The following CSPP1 variants were observed in gnomAD, a reference collection of about 807,000 sequenced individuals.
CSPP1 encodes the protein centrosome and spindle pole-associated protein 1.
A neutral mutation model predicts 164.4 loss-of-function variants in CSPP1; 126 were observed. The observed-to-expected ratio is 0.77, with a 90% CI of 0.66 to 0.89. CSPP1 has a LOEUF of 0.89. CSPP1 is among the 40% of genes least tolerant of loss of function. CSPP1 has a pLI of 0.00. For synonymous variants in CSPP1, 472 were observed against 476.7 expected (o/e 0.99, Z 0.13); for missense variants, 1,395 against 1,449.8 (o/e 0.96, Z 0.61).
chr8:67,083,548 A>AAAAAAAAAAAAAT (rs1332248754), intron 3 of CSPP1: 10 of 91,502 alleles, frequency 1.1e-4, no homozygotes, highest in African/African-American at 4.5e-4. Context: ...AAAAAAAAAA[A>AAAAAAAAAAAAAT]ATATATATAT....
intron 15 of CSPP1, among the ~76,000 whole-genome samples, chr8:67,119,408 A>T (rs1818557242): frequency 6.6e-6 from 1 of 152,126 alleles, no homozygotes; most frequent in Non-Finnish European, 1.5e-5. Flanking sequence ...CTGTACCCAG[A>T]GCTGGAATTG....
chr8:67,093,226 A>T (rs1000657383), intron 5 of CSPP1, among the ~76,000 whole-genome samples: 1 of 152,100 alleles, frequency 6.6e-6, no homozygotes, highest in Non-Finnish European at 1.5e-5. Flanking sequence ...TAACTATTGG[A>T]GTGTAAAATG....
Position 67,105,925 on chromosome 8 carries a change from C to G in CSPP1, c.1043C>G (p.Ser348Cys). 1 of 1,586,494 alleles carries G rather than the reference C, an allele frequency of 6.3e-7. No homozygotes were observed. Among genetic ancestry groups the G allele is most frequent in the Non-Finnish European group, 8.7e-7 (1 of 1,155,062 alleles). Residue 348 changes from serine to cysteine, a missense_variant, in exon 9 of 31, where the codon TCC (serine) becomes TGC (cysteine). Transcript: ENST00000678616. ...ENKSAPDNETSKSANQDTCSP... is the reference protein window; with the variant it reads ...ENKSAPDNETCKSANQDTCSP... ...TTTAGTGCTCCAGACAATGAAACAT[C>G]CAAATCTGCTAATCAAGATACCTGT...
At chr8:67,173,053 A>C (rs1830778108) in intron 25 of CSPP1, 1 of 152,372 alleles carries the variant, frequency 6.6e-6, no homozygotes, top group Non-Finnish European at 1.5e-5. Flanking sequence ...ATTGCCGATT[A>C]ACTTTGGAAT....
intron 7 of CSPP1, among the ~76,000 whole-genome samples, chr8:67,096,085 T>A (rs1235156457): frequency 6.6e-6 from 1 of 152,214 alleles, no homozygotes; most frequent in Admixed American, 6.5e-5. Flanking sequence ...CAACCTTCCT[T>A]GAGAATTTGA....
intron 9 of CSPP1, among the ~76,000 whole-genome samples, chr8:67,108,770 T>C (rs118005449): frequency 4.6e-5 from 7 of 152,312 alleles, no homozygotes; most frequent in Admixed American, 2.0e-4. Flanking sequence ...AACTCTTCTT[T>C]GTGTCTGAGG....
At chr8:67,121,274 TCA>T (rs1299719777) in intron 15 of CSPP1, among the ~76,000 whole-genome samples, 2 of 152,230 alleles carry the variant, frequency 1.3e-5, no homozygotes, top group African/African-American at 4.8e-5. Flanking sequence ...GGAAAAGCTT[TCA>T]GTCTTTCACT....
rs183276205 is a variant in CSPP1, at chr8:67,145,410, G to T, written c.1976-4373G>T. ...CATAGAATCAGCTTTAGTTTTCATT[G>T]ATTTTTTTTCTCTGCTTTTCTTCTT... On this transcript the variant is annotated intron_variant, in intron 17 of 30. Coordinates refer to ENST00000678616, the MANE Select transcript of CSPP1 (RefSeq NM_001382391.1). Among the ~76,000 whole-genome samples the T allele has an allele frequency of 6.9e-3, 1,052 of 151,546 alleles. 10 individuals are homozygous for T. Among genetic ancestry groups the T allele is most frequent in the Admixed American group, 0.011 (171 of 15,238 alleles).
chr8:67,116,628 G>T (rs1261533494), intron 13 of CSPP1, among the ~76,000 whole-genome samples: 7 of 152,062 alleles, frequency 4.6e-5, no homozygotes, highest in African/African-American at 1.2e-4. Flanking sequence ...TATAAAACCT[G>T]TAATTTAAGT....
At chr8:67,170,401 A>T (rs1830249385) in intron 24 of CSPP1, among the ~76,000 whole-genome samples, 1 of 152,096 alleles carries the variant, frequency 6.6e-6, no homozygotes, top group Non-Finnish European at 1.5e-5. Context: ...GGTTGCAGTG[A>T]GCTGAGATTG....
In CSPP1 at chr8:67,113,849, A is replaced by G. The variant is rs1336095468; in HGVS notation, c.1232A>G (p.Asp411Gly). The change falls in exon 11 of 31, where the codon GAC (aspartate) becomes GGC (glycine). Residue 411 changes from aspartate to glycine, a missense_variant. Coordinates refer to ENST00000678616, the MANE Select transcript of CSPP1 (RefSeq NM_001382391.1). ...ELRVAASGAQ[D>G]PEKSWNELLT... ...AGGGTTGCAGCGTCTGGAGCACAAGACCCTGAGAAATCGGTAAGGGTTTCT... is the reference window on the plus strand; with the variant it reads ...AGGGTTGCAGCGTCTGGAGCACAAGGCCCTGAGAAATCGGTAAGGGTTTCT... The G allele has an allele frequency of 6.3e-7, 1 of 1,586,476 alleles. No individual in the cohort carries two copies. Among genetic ancestry groups the G allele is most frequent in the Admixed American group, 1.7e-5 (1 of 57,424 alleles).
chr8:67,134,151 A>G (rs530854029), intron 16 of CSPP1: 2 of 152,250 alleles, frequency 1.3e-5, no homozygotes, highest in East Asian at 3.9e-4. Flanking sequence ...AATGTTCTTG[A>G]TGGCATCTGG....
chr8:67,134,697 C>CT (rs1452988716), intron 16 of CSPP1, among the ~76,000 whole-genome samples: 1 of 151,670 alleles, frequency 6.6e-6, no homozygotes, highest in African/African-American at 2.4e-5. Context: ...ATAGCTGGGA[C>CT]TATAGGCGCC....
chr8:67,065,150 T>C (rs1044288260), intron 1 of CSPP1, among the ~76,000 whole-genome samples: 3 of 152,198 alleles, frequency 2.0e-5, no homozygotes, highest in Non-Finnish European at 2.9e-5. Flanking sequence ...GTAAAACTTA[T>C]TTAATCTTCA....
intron 11 of CSPP1, 131 bp downstream of exon 11, chr8:67,113,993 A>C: frequency 1.8e-6 from 1 of 550,560 alleles, no homozygotes; most frequent in South Asian, 3.2e-5. Context: ...AAATTAACTA[A>C]ATTCAGTTCT....
Position 67,195,658 on chromosome 8 carries a change from AAT to A in CSPP1, c.*68_*69del. On this transcript the variant is annotated 3_prime_UTR_variant, in exon 31 of 31. Transcript: ENST00000678616. ...AAAGGAATGGTAAATCTGTACCTTT[AAT>A]ATGTCCTACTTTTGGCCCCTACCTG... The A allele has an allele frequency of 7.1e-7, 1 of 1,400,622 alleles. No individual in the cohort carries two copies. The highest frequency in any genetic ancestry group is 1.2e-5 in the South Asian group (1 of 83,312). The allele number at this position is 1,400,622 out of a possible 1,614,324, so 86.8% of individuals were successfully genotyped here.
intron 24 of CSPP1, among the ~76,000 whole-genome samples, chr8:67,164,816 C>T (rs1411268858): frequency 3.9e-5 from 6 of 152,066 alleles, no homozygotes; most frequent in Admixed American, 2.0e-4. Flanking sequence ...TACGGGCTAC[C>T]GAACATTTCT....
chr8:67,184,744 T>TATAATA (rs377423199), intron 28 of CSPP1, among the ~76,000 whole-genome samples: 100 of 142,510 alleles, frequency 7.0e-4, no homozygotes, highest in South Asian at 2.0e-3. Context: ...AATAAAAAAA[T>TATAATA]ATAATAATAA....
chr8:67,091,226 G>A (rs1478938973), intron 4 of CSPP1, among the ~76,000 whole-genome samples: 1 of 152,190 alleles, frequency 6.6e-6, no homozygotes, highest in Non-Finnish European at 1.5e-5. Context: ...GCTTGGGCTA[G>A]TTGTAGATCC....
Sources: allele counts gnomAD v4.1 joint callset (sites outside exome capture counted in the v4.1 genomes callset), GRCh38; gene constraint gnomAD v4.1.1; transcripts MANE v1.5; gene names NCBI Gene and HGNC (gene_info 2026-07-23, HGNC 2026-07-21).